The following ARHGAP21 variants were observed in gnomAD, a reference collection of about 807,000 sequenced individuals.
ARHGAP21 encodes Rho GTPase activating protein 21, also known as rho GTPase-activating protein 21.
A neutral mutation model predicts 164.6 loss-of-function variants in ARHGAP21; 38 were observed. The ratio of observed to expected loss-of-function variants is 0.23; its 90% CI spans 0.18 to 0.30. The LOEUF is 0.30. Among genes scored for constraint, ARHGAP21 ranks in the 10% least tolerant of loss-of-function variants. ARHGAP21 has a pLI of 1.00. For missense variants in ARHGAP21, 1,822 were observed against 2,370.7 expected, an observed-to-expected ratio of 0.77 and a Z score of 4.81; for synonymous variants, 766 against 857.9, an observed-to-expected ratio of 0.89 and a Z score of 1.87.
rs189832654 is a variant in ARHGAP21 at position 24,652,121 on chromosome 10, C to T, written c.268+14864G>A. Among the ~76,000 whole-genome samples, 710 of 152,164 alleles carry T rather than the reference C, an allele frequency of 4.7e-3. 2 individuals are homozygous for T. The highest frequency in any genetic ancestry group is 8.4e-3 in the Non-Finnish European group (572 of 68,008). Reference sequence around the variant, plus strand: ...TTAACAACCCTATAAAAATACAGATCTATTCTTAGCTTGGAGGCTGTACAA... The same window carrying T: ...TTAACAACCCTATAAAAATACAGATTTATTCTTAGCTTGGAGGCTGTACAA... On this transcript the variant is annotated intron_variant, in intron 4 of 25. Coordinates refer to ENST00000396432, the MANE Select transcript of ARHGAP21 (RefSeq NM_020824.4).
Position 24,602,069 on chromosome 10 carries a change from C to T in ARHGAP21, c.2756G>A (p.Gly919Glu). 1 of 1,613,084 alleles carries T rather than the reference C, an allele frequency of 6.2e-7. No homozygotes were observed. Among genetic ancestry groups the T allele is most frequent in the South Asian group, 1.1e-5 (1 of 90,936 alleles). Residue 919 changes from glycine (G) to glutamate (E), a missense_variant, in exon 13 of 26, where the codon GGG becomes GAG. Around this residue, in one of 5 missense-constraint regions of ARHGAP21, gnomAD observed 1,090 missense variants for 1,378.9 expected, o/e 0.79. Coordinates refer to ENST00000396432, the MANE Select transcript of ARHGAP21 (RefSeq NM_020824.4). Reference protein sequence around the residue: ...ADSQKSSEDSGSRKDSSSEVF... With the variant: ...ADSQKSSEDSESRKDSSSEVF... ...CTCTGAGGAAGAATCTTTTCTGGAC[C>T]CAGAGTCTTCTGATGACTTTTGGCT...
intron 7 of ARHGAP21, among the ~76,000 whole-genome samples, chr10:24,624,509 T>A (rs1377592979): frequency 6.6e-6 from 1 of 151,706 alleles, no homozygotes. Context: ...TCAGCTAATT[T>A]TTGTATTTTT....
intron 2 of ARHGAP21, among the ~76,000 whole-genome samples, chr10:24,698,415 C>A (rs924535802): frequency 6.6e-6 from 1 of 152,116 alleles, no homozygotes; most frequent in African/African-American, 2.4e-5. Flanking sequence ...CCTCTACTCT[C>A]AAGCAAACTG....
chr10:24,677,214 C>T (rs559653101), intron 2 of ARHGAP21, among the ~76,000 whole-genome samples: 3 of 152,234 alleles, frequency 2.0e-5, no homozygotes, highest in Admixed American at 6.5e-5. Context: ...AGCGAGACTC[C>T]GACTCTAAAT....
At chr10:24,662,755 T>C (rs1253543769) in intron 4 of ARHGAP21, among the ~76,000 whole-genome samples, 1 of 152,210 alleles carries the variant, frequency 6.6e-6, no homozygotes, top group Non-Finnish European at 1.5e-5. Flanking sequence ...GGTACTTGAA[T>C]TTCTATTTCT....
intron 25 of ARHGAP21, 128 bp from the exon 26 acceptor site, chr10:24,586,234 C>T (rs140546145): frequency 7.3e-5 from 89 of 1,214,278 alleles, no homozygotes; most frequent in Non-Finnish European, 9.0e-5. Context: ...ATTAACAGTG[C>T]AATTAGCTTT....
intron 2 of ARHGAP21, among the ~76,000 whole-genome samples, chr10:24,678,230 A>G (rs1841457418): frequency 6.6e-6 from 1 of 152,220 alleles, no homozygotes; most frequent in Non-Finnish European, 1.5e-5. Context: ...TTACTGACAC[A>G]GATACAATCC....
At chr10:24,622,859 C>T in intron 7 of ARHGAP21, 97 bp from the exon 8 acceptor site, 2 of 1,212,168 alleles carry the variant, frequency 1.6e-6, no homozygotes, top group South Asian at 1.4e-5. Context: ...GCTAAAAATA[C>T]ATCTATACTT....
At chr10:24,655,670 C>G (rs1488474820) in intron 4 of ARHGAP21, among the ~76,000 whole-genome samples, 1 of 136,080 alleles carries the variant, frequency 7.3e-6, no homozygotes, top group Non-Finnish European at 1.6e-5. Flanking sequence ...TCTGCCTGGC[C>G]GCCCATCGTC....
At chr10:24,671,126 C>A (rs945473718) in intron 2 of ARHGAP21, among the ~76,000 whole-genome samples, 1 of 152,236 alleles carries the variant, frequency 6.6e-6, no homozygotes, top group Non-Finnish European at 1.5e-5. Context: ...CATGTTCTCA[C>A]TTTCCTCTTA....
Position 24,621,139 on chromosome 10 carries a change from T to C in ARHGAP21, c.756A>G (p.Pro252=), listed in dbSNP as rs776956074. The part of the protein sequence containing the change: ...RAYRMEIQVP[P]SPTDVAKSNT... ...TTGATTTTGCAACATCTGTTGGTGA[T>C]GGAGGCACTTGTATTTCCATTCTAT... The change falls in exon 9 of 26, where the codon CCA becomes CCG. Residue 252 remains proline (P), a synonymous_variant. Coordinates refer to ENST00000396432, the MANE Select transcript of ARHGAP21 (RefSeq NM_020824.4). 1.2e-6 allele frequency: 2 copies of C among 1,613,598 alleles called. No individual in the cohort carries two copies. The highest frequency in any genetic ancestry group is 8.5e-7 in the Non-Finnish European group (1 of 1,179,536).
At chr10:24,651,120 C>T (rs1243732089) in intron 4 of ARHGAP21, among the ~76,000 whole-genome samples, 2 of 152,338 alleles carry the variant, frequency 1.3e-5, no homozygotes, top group East Asian at 1.9e-4. Context: ...TTCCTCTGCA[C>T]ACCTCCTTCT....
intron 4 of ARHGAP21, among the ~76,000 whole-genome samples, chr10:24,649,652 T>C (rs911626632): frequency 6.6e-6 from 1 of 151,254 alleles, no homozygotes; most frequent in African/African-American, 2.4e-5. Flanking sequence ...TTGTCTTAGA[T>C]CTCAAAGAAT....
chr10:24,629,930 T>C, intron 7 of ARHGAP21, 66 bp downstream of exon 7: 1 of 1,113,180 alleles, frequency 9.0e-7, no homozygotes, highest in Non-Finnish European at 1.3e-6. Flanking sequence ...AATACTTCCA[T>C]CTCAAAAATA....
chr10:24,643,602 A>G (rs900380644), intron 4 of ARHGAP21, among the ~76,000 whole-genome samples: 1 of 152,238 alleles, frequency 6.6e-6, no homozygotes, highest in African/African-American at 2.4e-5. Context: ...CCCGTGGATC[A>G]GTATTTCAAC....
chr10:24,720,500 G>C (rs574542665), intron 2 of ARHGAP21, among the ~76,000 whole-genome samples: 1 of 152,284 alleles, frequency 6.6e-6, no homozygotes, highest in East Asian at 1.9e-4. Context: ...CCTGCAAGCA[G>C]GTGTTTACAG....
chr10:24,612,310 A>G (rs1204460622), intron 9 of ARHGAP21, among the ~76,000 whole-genome samples: 8 of 152,196 alleles, frequency 5.3e-5, no homozygotes, highest in Non-Finnish European at 1.5e-5. Flanking sequence ...AGTAAACTAT[A>G]TATTGCAAAA....
rs928537474 is a variant in ARHGAP21, at chr10:24,711,384, C to T, written c.63+10453G>A. ...AAAAAGAAAAAAAAAAACTCAGAGA[C>T]TAAAGGCCCAACTATAATCAATCTT... On this transcript the variant is annotated intron_variant, in intron 2 of 25. Transcript: ENST00000396432. Among the ~76,000 whole-genome samples, 102 of 151,932 alleles carry T rather than the reference C, an allele frequency of 6.7e-4. No homozygotes were observed. The Middle Eastern group carries it at 0.01, about 15-fold the overall frequency.
intron 2 of ARHGAP21, among the ~76,000 whole-genome samples, chr10:24,719,098 T>TACACACACACACACACAC (rs57863565): frequency 1.1e-4 from 16 of 147,506 alleles, no homozygotes; most frequent in African/African-American, 4.0e-4. Context: ...CTTCACGGAC[T>TACACACACACACACACAC]ACACACACAC....
Sources: gnomAD v4.1 joint callset for allele counts (sites outside exome capture counted in the v4.1 genomes callset) on GRCh38, gnomAD v4.1.1 for gene constraint, gnomAD v4.1.1 regional missense constraint, MANE v1.5 for transcripts, NCBI Gene and HGNC (gene_info 2026-07-23, HGNC 2026-07-21) for gene names.